COBL: variants seen among roughly 807,000 people sequenced by gnomAD.
COBL encodes the protein cordon-bleu WH2 repeat protein.
A neutral mutation model predicts 98.8 loss-of-function variants in COBL; 51 were observed. The observed-to-expected ratio is 0.52, with a 90% confidence interval of 0.41 to 0.65. The LOEUF is 0.65. Among genes scored for constraint, COBL ranks in the 30% least tolerant of loss-of-function variants. The pLI, the probability that COBL is intolerant of heterozygous loss-of-function variation, is 0.00. For missense variants in COBL, 1,617 were observed against 1,617.5 expected (o/e 1.00, Z 0.01); for synonymous variants, 634 against 651.7 (o/e 0.97, Z 0.41).
chr7:51,309,408 A>G lies in COBL; in HGVS notation c.41+7185T>C, dbSNP rs546925994. Among the ~76,000 whole-genome samples, 4 of 152,264 alleles carry G rather than the reference A, an allele frequency of 2.6e-5. No individual in the cohort carries two copies. In the South Asian group the frequency reaches 8.3e-4, roughly 32 times the overall value. On this transcript the variant is annotated intron_variant, in intron 1 of 12. Coordinates refer to ENST00000265136, the MANE Select transcript of COBL (RefSeq NM_015198.5). ...GGACTCCCGAGGTGGGCTTTTAGATAGGAGAGAGAATTATCTCCTCTTTAA... is the reference window on the plus strand; with the variant it reads ...GGACTCCCGAGGTGGGCTTTTAGATGGGAGAGAGAATTATCTCCTCTTTAA...
chr7:51,141,536 G>C (rs1353984063), intron 5 of COBL, among the ~76,000 whole-genome samples: 5 of 152,094 alleles, frequency 3.3e-5, no homozygotes, highest in Admixed American at 6.5e-5. Flanking sequence ...CCTAGTGATA[G>C]AATAAACTAG....
intron 2 of COBL, among the ~76,000 whole-genome samples, chr7:51,202,724 A>C (rs1791248752): frequency 6.6e-6 from 1 of 152,220 alleles, no homozygotes; most frequent in African/African-American, 2.4e-5. Flanking sequence ...AGGGAAGTTT[A>C]TAGCAGTAAG....
chr7:51,257,799 T>C (rs1202563886), intron 1 of COBL, among the ~76,000 whole-genome samples: 1 of 152,156 alleles, frequency 6.6e-6, no homozygotes, highest in African/African-American at 2.4e-5. Context: ...TTTAGTAAAA[T>C]AATCTGATCT....
rs73697814 is a variant in COBL at position 51,150,463 on chromosome 7, T to C, written c.784-14132A>G. ...TCAGTGTTTCAGGAAGCTCCCCCAA[T>C]ACACAGAGCTGCCGTGAATCATCAT... On this transcript the variant is annotated intron_variant, in intron 5 of 12. Coordinates refer to ENST00000265136, the MANE Select transcript of COBL (RefSeq NM_015198.5). Among the ~76,000 whole-genome samples the C allele has an allele frequency of 7.5e-3, 1,145 of 152,254 alleles. 13 individuals are homozygous for C. Among genetic ancestry groups the C allele is most frequent in the African/African-American group, 0.026 (1,095 of 41,548 alleles).
chr7:51,311,585 G>A lies in COBL; in HGVS notation c.41+5008C>T, dbSNP rs75593840. On this transcript the variant is annotated intron_variant, in intron 1 of 12. Coordinates refer to ENST00000265136, the MANE Select transcript of COBL (RefSeq NM_015198.5). ...CCAGCAAGAGACAGATGAAAAATAA[G>A]GAATTATGGAACCCTGAAAGAAAAG... 8.1e-3 allele frequency among the ~76,000 whole-genome samples: 1,236 copies of A among 152,206 alleles called. 72 individuals carry two copies. The South Asian group carries it at 0.15, about 18-fold the overall frequency.
intron 11 of COBL, among the ~76,000 whole-genome samples, chr7:51,026,281 C>G (rs1365923263): frequency 6.6e-6 from 1 of 152,250 alleles, no homozygotes; most frequent in Non-Finnish European, 1.5e-5. Flanking sequence ...GTGCTCAGTT[C>G]TAGGCACAGG....
intron 1 of COBL, among the ~76,000 whole-genome samples, chr7:51,264,219 C>T (rs1797969411): frequency 6.6e-6 from 1 of 152,162 alleles, no homozygotes; most frequent in Non-Finnish European, 1.5e-5. Context: ...TGTTGGGGAT[C>T]TGTTCCTCAC....
At chr7:51,060,296 G>A (rs1472973747) in intron 7 of COBL, among the ~76,000 whole-genome samples, 2 of 152,214 alleles carry the variant, frequency 1.3e-5, no homozygotes, top group Admixed American at 6.5e-5. Context: ...CAGAATGTAA[G>A]TTCTGCCAAA....
At chr7:51,283,584 A>C (rs1800002293) in intron 1 of COBL, among the ~76,000 whole-genome samples, 1 of 152,122 alleles carries the variant, frequency 6.6e-6, no homozygotes, top group Non-Finnish European at 1.5e-5. Flanking sequence ...TCCTGGGTTC[A>C]AGCAATTCTC....
At chr7:51,290,433 TG>T (rs1361919064) in intron 1 of COBL, among the ~76,000 whole-genome samples, 1 of 152,226 alleles carries the variant, frequency 6.6e-6, no homozygotes, top group Non-Finnish European at 1.5e-5. Flanking sequence ...CAACTCAGAT[TG>T]CTGGCTTGGA....
rs759725924 is a variant in COBL at position 51,193,574 on chromosome 7, G to A, written c.261C>T (p.Asp87=). The change falls in exon 3 of 13, where the codon GAC becomes GAT. Residue 87 remains aspartate, a synonymous_variant. Transcript: ENST00000265136. Reference sequence around the variant, plus strand: ...TCTGAAGGCAAAGTTCAACCAGTAGGTCCATCATCGCATGGCTGAAAAAAG... The same window carrying A: ...TCTGAAGGCAAAGTTCAACCAGTAGATCCATCATCGCATGGCTGAAAAAAG... ...SVLNGSHAMM[D]LLVELCLQNH... is the part of the protein sequence containing the mutation. The A allele has an allele frequency of 1.2e-6, 2 of 1,614,090 alleles. No homozygotes were observed. Among genetic ancestry groups the A allele is most frequent in the South Asian group, 1.1e-5 (1 of 91,050 alleles).
At chr7:51,137,318 A>T (rs2129007932) in intron 5 of COBL, among the ~76,000 whole-genome samples, 1 of 152,222 alleles carries the variant, frequency 6.6e-6, no homozygotes, top group East Asian at 1.9e-4. Context: ...CCTTGGGCAA[A>T]TTTTTAATTT....
intron 1 of COBL, among the ~76,000 whole-genome samples, chr7:51,316,223 TCGCTCCC>T (rs1176410348): frequency 6.6e-6 from 1 of 152,040 alleles, no homozygotes; most frequent in Non-Finnish European, 1.5e-5. Context: ...GGGCGTCCCC[TCGCTCCC>T]CGCTCCACCC....
Position 51,137,674 on chromosome 7 carries a change from T to C in COBL, c.784-1343A>G, listed in dbSNP as rs866048319. ...TTATTACACTTGCTTGTTTGTATCT[T>C]TGTCTCCCATTAAGATGTGAACTCA... is the stretch of plus-strand genomic sequence containing the variant. On this transcript the variant is annotated intron_variant, in intron 5 of 12. Coordinates refer to ENST00000265136, the MANE Select transcript of COBL (RefSeq NM_015198.5). Among the ~76,000 whole-genome samples, 3 of 152,292 alleles carry C rather than the reference T, an allele frequency of 2.0e-5. No individual in the cohort carries two copies. In the Middle Eastern group the frequency reaches 0.01, roughly 518 times the overall value.
rs116045593 is a variant in COBL, at chr7:51,135,533, T to G, written c.957+625A>C. ...ACATGACATGTCAGGACCCCGCCAT[T>G]TGGTATCTGCTGCTATAACTTTTTA... On this transcript the variant is annotated intron_variant, in intron 6 of 12. Coordinates refer to ENST00000265136, the MANE Select transcript of COBL (RefSeq NM_015198.5). Among the ~76,000 whole-genome samples, 1,428 of 152,138 alleles carry G rather than the reference T, an allele frequency of 9.4e-3. 29 individuals carry two copies. The highest frequency in any genetic ancestry group is 0.033 in the African/African-American group (1,361 of 41,496).
At chr7:51,019,474 G>C (rs1786704997) in intron 12 of COBL, among the ~76,000 whole-genome samples, 1 of 152,204 alleles carries the variant, frequency 6.6e-6, no homozygotes, top group African/African-American at 2.4e-5. Flanking sequence ...AATCTAGACT[G>C]AGGGAGGCTT....
chr7:51,310,793 G>C lies in COBL; in HGVS notation c.41+5800C>G, dbSNP rs184865392. 1.0e-3 allele frequency among the ~76,000 whole-genome samples: 158 copies of C among 152,194 alleles called. 1 individual carries two copies. In the East Asian group the frequency reaches 0.02, roughly 19 times the overall value. Reference sequence around the variant, plus strand: ...CCTGCCTCAGCCTCCCAAGTAGCTGGGACTACAGGCATGTGCCACCAGCCC... The same window carrying C: ...CCTGCCTCAGCCTCCCAAGTAGCTGCGACTACAGGCATGTGCCACCAGCCC... On this transcript the variant is annotated intron_variant, in intron 1 of 12. Coordinates refer to ENST00000265136, the MANE Select transcript of COBL (RefSeq NM_015198.5).
At chr7:51,198,964 G>C in intron 2 of COBL, among the ~76,000 whole-genome samples, 1 of 152,186 alleles carries the variant, frequency 6.6e-6, no homozygotes, top group East Asian at 1.9e-4. Context: ...ATAGGCTTTG[G>C]TACCAGCTAT....
chr7:51,027,786 G>C lies in COBL; in HGVS notation c.3310C>G (p.Pro1104Ala), dbSNP rs752281953. The C allele has an allele frequency of 5.0e-6, 8 of 1,614,080 alleles. No homozygotes were observed. Among genetic ancestry groups the C allele is most frequent in the South Asian group, 1.1e-5 (1 of 91,086 alleles). Residue 1104 changes from proline (P) to alanine (A), a missense_variant, in exon 10 of 13, where the codon CCA becomes GCA. Pro to Ala is a conservative substitution (Grantham distance 27). Coordinates refer to ENST00000265136, the MANE Select transcript of COBL (RefSeq NM_015198.5). ...KFKPVVQRPV[P>A]KDTSLHSALM... ...GCAGAGTGCAGGGATGTGTCTTTTG[G>C]GACTGGTCTCTGGACAACAGGTTTG...
Sources: allele counts gnomAD v4.1 joint callset (sites outside exome capture counted in the v4.1 genomes callset), GRCh38; gene constraint gnomAD v4.1.1; transcripts MANE v1.5; gene names NCBI Gene and HGNC (gene_info 2026-07-23, HGNC 2026-07-21).